Variants in RAB37 observed in about 807,000 individuals in gnomAD.
RAB37 encodes RAB37, member RAS oncogene family, also known as ras-related protein Rab-37.
In RAB37, 29 loss-of-function variants were observed where a neutral mutation model predicts 33.1. The ratio of observed to expected loss-of-function variants is 0.88; its 90% CI spans 0.65 to 1.20. The LOEUF is 1.20. Ranked by LOEUF, RAB37 falls within the 50% of genes most tolerant of loss-of-function variation. The pLI, the probability that RAB37 is intolerant of heterozygous loss-of-function variation, is 0.00. For synonymous variants in RAB37, 128 were observed against 119.5 expected, an observed-to-expected ratio of 1.07 and a Z score of -0.47; for missense variants, 299 against 301.1, an observed-to-expected ratio of 0.99 and a Z score of 0.05.
chr17:74,703,269 G>A, intron 1 of RAB37: 1 of 686,674 alleles, frequency 1.5e-6, no homozygotes, highest in Non-Finnish European at 2.5e-6. Flanking sequence ...AGGGGCTGCA[G>A]CCTGGACCAC....
intron 1 of RAB37, among the ~76,000 whole-genome samples, chr17:74,707,754 T>G (rs2033632518): frequency 6.6e-6 from 1 of 151,678 alleles, no homozygotes; most frequent in East Asian, 1.9e-4. Context: ...TATGACTGTA[T>G]ATCCTGCACA....
chr17:74,672,276 T>C (rs1225315292), intron 1 of RAB37, among the ~76,000 whole-genome samples: 1 of 97,288 alleles, frequency 1.0e-5, no homozygotes, highest in African/African-American at 3.9e-5. Flanking sequence ...TTGGGAAAAA[T>C]AGTAGCCTCT....
intron 1 of RAB37, among the ~76,000 whole-genome samples, chr17:74,674,432 CT>C (rs1251880838): frequency 6.6e-6 from 1 of 150,650 alleles, no homozygotes. Flanking sequence ...ACAAACACCA[CT>C]TTGGGAAGCT....
intron 1 of RAB37, among the ~76,000 whole-genome samples, chr17:74,724,479 A>G (rs2034281478): frequency 6.6e-6 from 1 of 152,212 alleles, no homozygotes; most frequent in African/African-American, 2.4e-5. Context: ...GGGGCCTAAG[A>G]TATTTTCCTT....
intron 1 of RAB37, among the ~76,000 whole-genome samples, chr17:74,714,540 G>GT (rs1567804886): frequency 6.6e-6 from 1 of 152,066 alleles, no homozygotes; most frequent in African/African-American, 2.4e-5. Flanking sequence ...TCCTACTGCT[G>GT]TACCCCAGCC....
At chr17:74,736,508 G>C, upstream of RAB37, 9 of 1,417,770 alleles carry the variant, frequency 6.3e-6, no homozygotes, top group Non-Finnish European at 8.3e-6. Context: ...GCTCCTCCTC[G>C]GGGCCAGGGT....
intron 1 of RAB37, among the ~76,000 whole-genome samples, chr17:74,696,717 T>A (rs1471730822): frequency 6.6e-6 from 1 of 152,200 alleles, no homozygotes; most frequent in Non-Finnish European, 1.5e-5. Context: ...TTCTAGTTAG[T>A]CCTCAGGTGG....
At chr17:74,695,734 A>T in intron 1 of RAB37, 1 of 1,614,098 alleles carries the variant, frequency 6.2e-7, no homozygotes, top group Non-Finnish European at 8.5e-7. Context: ...CCATGGTGAC[A>T]TATTCCACTT....
At chr17:74,737,050 T>C, upstream of RAB37, 1 of 1,609,254 alleles carries the variant, frequency 6.2e-7, no homozygotes, top group South Asian at 1.1e-5. Context: ...GAGCCGGTGT[T>C]GCTCAGGGAG....
chr17:74,732,512 T>TGTGGTGTGATTTGAGGTGC (rs2034397795), upstream of RAB37, among the ~76,000 whole-genome samples: 1 of 146,694 alleles, frequency 6.8e-6, no homozygotes, highest in African/African-American at 2.5e-5. Flanking sequence ...GTGGCAGGTG[T>TGTGGTGTGATTTGAGGTGC]GTGGTGTGAT....
In RAB37 at chr17:74,745,214, G is replaced by C. The variant is rs866892054; in HGVS notation, c.567-92G>C. 2 of 1,534,730 alleles carry C rather than the reference G, an allele frequency of 1.3e-6. No homozygotes were observed. The highest frequency in any genetic ancestry group is 1.7e-5 in the Admixed American group (1 of 59,634). On this transcript the variant is annotated intron_variant, in intron 8 of 8. Transcript: ENST00000392613. This position sits in a 1 kb window ranked among gnomAD's most constrained non-coding sequence, Gnocchi z 4.5. ...GCAGGCTGAGGTCCATTTGCTCTGGGAGCACTGGGCCACTGGGAGAGGGGA... is the reference window on the plus strand; with the variant it reads ...GCAGGCTGAGGTCCATTTGCTCTGGCAGCACTGGGCCACTGGGAGAGGGGA...
At chr17:74,731,113 A>C (rs2034378809) in intron 2 of RAB37, among the ~76,000 whole-genome samples, 1 of 152,152 alleles carries the variant, frequency 6.6e-6, no homozygotes. Context: ...GCCTGGGGAC[A>C]CCTGAGCAAA....
intron 1 of RAB37, among the ~76,000 whole-genome samples, chr17:74,721,921 C>A (rs773596031): frequency 1.2e-4 from 18 of 152,158 alleles, no homozygotes; most frequent in Non-Finnish European, 2.1e-4. Context: ...TTTTATCAAG[C>A]CGCTATACAT....
intron 1 of RAB37, among the ~76,000 whole-genome samples, chr17:74,680,244 T>C (rs1174118296): frequency 6.6e-6 from 1 of 151,988 alleles, no homozygotes; most frequent in African/African-American, 2.4e-5. Flanking sequence ...GGCAGAGGGA[T>C]AGAGTCAGGA....
At chr17:74,724,097 T>C (rs2034275762) in intron 1 of RAB37, among the ~76,000 whole-genome samples, 1 of 152,196 alleles carries the variant, frequency 6.6e-6, no homozygotes, top group African/African-American at 2.4e-5. Context: ...AAAGTTTATT[T>C]TGCCAAGGTT....
intron 1 of RAB37, chr17:74,672,570 C>T (rs934655107): frequency 6.6e-6 from 1 of 152,192 alleles, no homozygotes; most frequent in African/African-American, 2.4e-5. Context: ...CTCTATCACC[C>T]AGCTTATATT....
At chr17:74,695,776 C>G (rs761990181) in intron 1 of RAB37, 1 of 1,614,048 alleles carries the variant, frequency 6.2e-7, no homozygotes. Flanking sequence ...AGGAAAGCTT[C>G]GTGGTAGCCT....
At chr17:74,695,791 C>G in intron 1 of RAB37, 1 of 1,614,132 alleles carries the variant, frequency 6.2e-7, no homozygotes, top group Non-Finnish European at 8.5e-7. Context: ...TAGCCTTTTG[C>G]GGGGAGGTTC....
At chr17:74,727,755 C>T (rs1373347136) in intron 1 of RAB37, among the ~76,000 whole-genome samples, 2 of 152,172 alleles carry the variant, frequency 1.3e-5, no homozygotes, top group Non-Finnish European at 2.9e-5. Flanking sequence ...TGCCTTCATG[C>T]CCCTTTCAGT....
Sources: gnomAD v4.1 joint callset for allele counts (sites outside exome capture counted in the v4.1 genomes callset) on GRCh38, gnomAD v4.1.1 for gene constraint, Gnocchi (gnomAD v3.1) non-coding constraint, MANE v1.5 for transcripts, NCBI Gene and HGNC (gene_info 2026-07-23, HGNC 2026-07-21) for gene names.